ARRB1: variants seen among roughly 807,000 people sequenced by gnomAD.
ARRB1 encodes arrestin beta 1.
A neutral mutation model predicts 56.8 loss-of-function variants in ARRB1; 21 were observed. That is an observed-to-expected ratio of 0.37 (90% CI 0.26 to 0.53). The LOEUF (loss-of-function observed/expected upper bound fraction) is 0.53. Among genes scored for constraint, ARRB1 ranks in the 20% least tolerant of loss-of-function variants. The pLI, the probability that ARRB1 is intolerant of heterozygous loss-of-function variation, is 0.88. For synonymous variants in ARRB1, 210 were observed against 218.6 expected (o/e 0.96, Z 0.35); for missense variants, 424 against 553.7 (o/e 0.77, Z 2.35).
At chr11:75,341,495 T>G (rs1333595757) in intron 1 of ARRB1, among the ~76,000 whole-genome samples, 1 of 152,094 alleles carries the variant, frequency 6.6e-6, no homozygotes, top group Non-Finnish European at 1.5e-5. Flanking sequence ...CCATTAATAT[T>G]ATTATACCTA....
intron 1 of ARRB1, among the ~76,000 whole-genome samples, chr11:75,342,852 T>C (rs1947711753): frequency 6.6e-6 from 1 of 152,174 alleles, no homozygotes; most frequent in Admixed American, 6.5e-5. Flanking sequence ...CCCAGAGAGC[T>C]CTGGTTGTCA....
At chr11:75,313,728 T>C (rs1386951438) in intron 1 of ARRB1, among the ~76,000 whole-genome samples, 4 of 152,172 alleles carry the variant, frequency 2.6e-5, no homozygotes, top group Admixed American at 2.6e-4. Context: ...ATAAAACCCC[T>C]GTGAGGAAAT....
chr11:75,296,993 T>C (rs1388161436), intron 1 of ARRB1, among the ~76,000 whole-genome samples: 1 of 152,146 alleles, frequency 6.6e-6, no homozygotes. Context: ...TGAAATTAGG[T>C]TTCCATCTTT....
At chr11:75,315,811 C>A (rs77712188) in intron 1 of ARRB1, among the ~76,000 whole-genome samples, 14,302 of 152,170 alleles carry the variant, frequency 0.094, 819 homozygotes, top group East Asian at 0.21. Flanking sequence ...CACTGTGGAC[C>A]CCCACAAACA....
intron 1 of ARRB1, among the ~76,000 whole-genome samples, chr11:75,321,272 C>G (rs28687723): frequency 0.027 from 3,889 of 146,314 alleles, 219 homozygotes; most frequent in African/African-American, 0.096. Context: ...CTCACCCCCC[C>G]CCACCACCAT....
Position 75,274,224 on chromosome 11 carries a change from G to C in ARRB1, c.777-13C>G. The C allele has an allele frequency of 6.2e-7, 1 of 1,613,724 alleles. No homozygotes were observed. Among genetic ancestry groups the C allele is most frequent in the African/African-American group, 1.3e-5 (1 of 75,042 alleles). ...TGCCACAGTGTCACTGGGAAGAAAGGAAGCAGCTGTGGAGATGGCCCTCCC... is the reference window on the plus strand; with the variant it reads ...TGCCACAGTGTCACTGGGAAGAAAGCAAGCAGCTGTGGAGATGGCCCTCCC... On this transcript the variant is annotated splice_polypyrimidine_tract_variant and intron_variant, in intron 10 of 15. Transcript: ENST00000420843.
At chr11:75,292,818 T>C (rs932458054) in intron 1 of ARRB1, among the ~76,000 whole-genome samples, 2 of 152,158 alleles carry the variant, frequency 1.3e-5, no homozygotes, top group African/African-American at 4.8e-5. Flanking sequence ...TTATTTCTCA[T>C]AATAGCTCTG....
At chr11:75,283,220 C>A in intron 5 of ARRB1, 67 bp downstream of exon 5, 1 of 1,495,646 alleles carries the variant, frequency 6.7e-7, no homozygotes, top group Non-Finnish European at 9.0e-7. Flanking sequence ...CCCTCTTATG[C>A]CCACCCCAGA....
chr11:75,277,781 C>T (rs893379765), intron 8 of ARRB1, among the ~76,000 whole-genome samples: 4 of 152,232 alleles, frequency 2.6e-5, no homozygotes, highest in East Asian at 1.9e-4. Context: ...TGAAAGATAA[C>T]GGAATTGGAA....
At chr11:75,317,715 C>T (rs940705456) in intron 1 of ARRB1, among the ~76,000 whole-genome samples, 2 of 152,246 alleles carry the variant, frequency 1.3e-5, no homozygotes, top group African/African-American at 2.4e-5. Flanking sequence ...ACTCCACACT[C>T]GCCTGTGCCA....
chr11:75,345,741 CCT>C (rs1271950217), intron 1 of ARRB1, among the ~76,000 whole-genome samples: 1 of 152,210 alleles, frequency 6.6e-6, no homozygotes, highest in Non-Finnish European at 1.5e-5. Context: ...GGACCCCACC[CCT>C]CTCTTTTGAG....
At chr11:75,296,073 C>A (rs568322184) in intron 1 of ARRB1, among the ~76,000 whole-genome samples, 115 of 151,018 alleles carry the variant, frequency 7.6e-4, no homozygotes, top group African/African-American at 2.7e-3. Flanking sequence ...GTAATCCCAG[C>A]TACTCAGGAG....
In ARRB1 at chr11:75,267,669, G is replaced by A; in HGVS notation, c.1128C>T (p.Leu376=). The part of the protein sequence containing the change: ...PENETPVDTN[L]IELDTNDDDI... ...CAGCTTACTTTGTGTCAAGTTCTAT[G>A]AGATTGGTATCTACTGGCGTCTCGT... The change falls in exon 15 of 16, where the codon CTC becomes CTT. Residue 376 remains leucine, a synonymous_variant. Coordinates refer to ENST00000420843, the MANE Select transcript of ARRB1 (RefSeq NM_004041.5). The A allele has an allele frequency of 7.2e-7, 1 of 1,387,132 alleles. No individual in the cohort carries two copies. The highest frequency in any genetic ancestry group is 9.6e-7 in the Non-Finnish European group (1 of 1,037,068). The allele number at this position is 1,387,132 out of a possible 1,614,324, so 85.9% of individuals were successfully genotyped here.
rs1006150712 is a variant in ARRB1 at position 75,267,693 on chromosome 11, G to A, written c.1104C>T (p.Asn368=). ...TGAGATTGGTATCTACTGGCGTCTC[G>A]TTCTCTGGAACTAAACACAGGGTGG... ...EEPPHREVPE[N]ETPVDTNLIE... Residue 368 remains asparagine (N), a synonymous_variant, in exon 15 of 16, where the codon AAC becomes AAT. Coordinates refer to ENST00000420843, the MANE Select transcript of ARRB1 (RefSeq NM_004041.5). 11 of 978,026 alleles carry A rather than the reference G, an allele frequency of 1.1e-5. No individual in the cohort carries two copies. The highest frequency in any genetic ancestry group is 1.5e-5 in the Non-Finnish European group (10 of 660,642). The allele number at this position is 978,026 out of a possible 1,614,324, so 60.6% of individuals were successfully genotyped here. A position where few individuals can be genotyped will look rare whatever the true frequency, so the allele number is the denominator to read the frequency against.
At position 75,263,678 on chromosome 11, in the gene ARRB1, A is replaced by G. The variant is rs1353828944; in HGVS notation, c.*2485T>C. Among the ~76,000 whole-genome samples, 1 of 152,112 alleles carries G rather than the reference A, an allele frequency of 6.6e-6. No individual in the cohort carries two copies. Among genetic ancestry groups the G allele is most frequent in the Non-Finnish European group, 1.5e-5 (1 of 68,002 alleles). ...TTGGCATAGAGCTGAGTCATCAGCA[A>G]AGGATGGTAGGCTGAATTCAACTAA... On this transcript the variant is annotated 3_prime_UTR_variant, in exon 16 of 16. Transcript: ENST00000420843.
intron 1 of ARRB1, among the ~76,000 whole-genome samples, chr11:75,300,664 G>A (rs953839578): frequency 3.3e-5 from 5 of 151,250 alleles, no homozygotes; most frequent in African/African-American, 1.2e-4. Flanking sequence ...ACCCCATCTC[G>A]ACTAAAAATA....
At position 75,285,291 on chromosome 11, in the gene ARRB1, G is replaced by A. The variant is rs562001552; in HGVS notation, c.113-1012C>T. ...CGAGAGCACTCTGCAGATTGTGGAA[G>A]GCGCCTCAGTGCCCTGAGGCCTGCC... On this transcript the variant is annotated intron_variant, in intron 3 of 15. Coordinates refer to ENST00000420843, the MANE Select transcript of ARRB1 (RefSeq NM_004041.5). 2.6e-5 allele frequency among the ~76,000 whole-genome samples: 4 copies of A among 152,330 alleles called. No homozygotes were observed. In the East Asian group the frequency reaches 7.7e-4, roughly 29 times the overall value.
intron 1 of ARRB1, among the ~76,000 whole-genome samples, chr11:75,348,763 A>G (rs1947808541): frequency 6.6e-6 from 1 of 151,948 alleles, no homozygotes. Flanking sequence ...ACACTCAGCT[A>G]ATTTTTGTGT....
At chr11:75,269,962 A>G (rs1946039009) in intron 13 of ARRB1, among the ~76,000 whole-genome samples, 1 of 152,134 alleles carries the variant, frequency 6.6e-6, no homozygotes, top group Non-Finnish European at 1.5e-5. Flanking sequence ...GCCACATCCC[A>G]CTGATCTTGT....
Sources: allele counts gnomAD v4.1 joint callset (sites outside exome capture counted in the v4.1 genomes callset), GRCh38; gene constraint gnomAD v4.1.1; transcripts MANE v1.5; gene names NCBI Gene and HGNC (gene_info 2026-07-23, HGNC 2026-07-21).